CAAP1: variants seen among roughly 807,000 people sequenced by gnomAD.
CAAP1 encodes conserved anti-apoptotic protein.
A neutral mutation model predicts 34.0 loss-of-function variants in CAAP1; 20 were observed. The ratio of observed to expected loss-of-function variants is 0.59; its 90% CI spans 0.41 to 0.86. CAAP1 has a LOEUF of 0.86. Ranked by LOEUF, CAAP1 falls within the 40% of genes least tolerant of loss-of-function variation. CAAP1 has a pLI of 0.00. For synonymous variants in CAAP1, 213 were observed against 166.7 expected (o/e 1.28, Z -2.14); for missense variants, 538 against 450.5 (o/e 1.19, Z -1.76).
At chr9:26,857,676 TTC>T (rs1217746246) in intron 5 of CAAP1, among the ~76,000 whole-genome samples, 1 of 152,170 alleles carries the variant, frequency 6.6e-6, no homozygotes, top group Non-Finnish European at 1.5e-5. Flanking sequence ...ACAGAAGAGT[TTC>T]TGTTTTACTA....
chr9:26,854,410 C>G (rs1205128716), intron 5 of CAAP1, among the ~76,000 whole-genome samples: 1 of 152,170 alleles, frequency 6.6e-6, no homozygotes, highest in Non-Finnish European at 1.5e-5. Flanking sequence ...TTAAAACATT[C>G]TATACTATTT....
chr9:26,874,576 T>A (rs536648800), intron 4 of CAAP1, among the ~76,000 whole-genome samples: 5 of 152,242 alleles, frequency 3.3e-5, no homozygotes, highest in Admixed American at 6.5e-5. Context: ...ATTAATTACC[T>A]CCATGAAATC....
At chr9:26,884,617 T>A (rs1239262325) in intron 4 of CAAP1, among the ~76,000 whole-genome samples, 193 bp downstream of exon 4, 2 of 152,088 alleles carry the variant, frequency 1.3e-5, no homozygotes, top group African/African-American at 4.8e-5. Flanking sequence ...ATCATCTTAA[T>A]CCTGAAAGTA....
chr9:26,874,233 A>AAAT (rs1823365028), intron 4 of CAAP1, among the ~76,000 whole-genome samples: 1 of 141,002 alleles, frequency 7.1e-6, no homozygotes, highest in African/African-American at 2.6e-5. Flanking sequence ...AAAAAAAAAA[A>AAAT]TTTTTTTTAC....
intron 5 of CAAP1, among the ~76,000 whole-genome samples, chr9:26,843,266 T>C (rs1822520850): frequency 6.6e-6 from 1 of 152,196 alleles, no homozygotes; most frequent in South Asian, 2.1e-4. Context: ...TAGTTCACCA[T>C]AATTTTAAAA....
intron 5 of CAAP1, among the ~76,000 whole-genome samples, chr9:26,854,002 CTT>C (rs754993087): frequency 1.6e-3 from 251 of 152,258 alleles, no homozygotes; most frequent in Non-Finnish European, 2.6e-3. Context: ...GTATTAAACT[CTT>C]TTTCTTCAAA....
intron 5 of CAAP1, among the ~76,000 whole-genome samples, chr9:26,852,266 C>G (rs1182853107): frequency 6.6e-6 from 1 of 152,010 alleles, no homozygotes; most frequent in Non-Finnish European, 1.5e-5. Flanking sequence ...CCAGCCTGAC[C>G]AACGTGGTGA....
intron 4 of CAAP1, among the ~76,000 whole-genome samples, chr9:26,865,357 C>G (rs1823109987): frequency 6.6e-6 from 1 of 152,032 alleles, no homozygotes; most frequent in Admixed American, 6.5e-5. Context: ...AACCCCATCT[C>G]TACTAAAAAT....
At chr9:26,873,983 A>T (rs1207469508) in intron 4 of CAAP1, among the ~76,000 whole-genome samples, 1 of 151,976 alleles carries the variant, frequency 6.6e-6, no homozygotes, top group South Asian at 2.1e-4. Context: ...CGAGGCGGGC[A>T]GATCACGAGG....
chr9:26,842,128 A>T lies in CAAP1; in HGVS notation c.*173T>A. 2 of 554,048 alleles carry T rather than the reference A, an allele frequency of 3.6e-6. No homozygotes were observed. Among genetic ancestry groups the T allele is most frequent in the Non-Finnish European group, 3.1e-6 (1 of 319,076 alleles). The allele number at this position is 554,048 out of a possible 1,614,324, so 34.3% of individuals were successfully genotyped here. On this transcript the variant is annotated 3_prime_UTR_variant, in exon 6 of 6. Transcript: ENST00000333916. Reference sequence around the variant, plus strand: ...AGACAGTAACACACATTTATAATATAAAAGTAGTCAAAAAAATAAAAAGAA... The same window carrying T: ...AGACAGTAACACACATTTATAATATTAAAGTAGTCAAAAAAATAAAAAGAA...
chr9:26,871,361 T>C (rs1402818591), intron 4 of CAAP1, among the ~76,000 whole-genome samples: 1 of 152,200 alleles, frequency 6.6e-6, no homozygotes, highest in Non-Finnish European at 1.5e-5. Context: ...GCAGACCACC[T>C]GAGTTCAGGA....
intron 5 of CAAP1, among the ~76,000 whole-genome samples, chr9:26,857,899 T>G (rs116877685): frequency 0.036 from 5,492 of 152,284 alleles, 164 homozygotes; most frequent in South Asian, 0.098. Context: ...AATTTCAACT[T>G]AATTCATAAT....
intron 4 of CAAP1, among the ~76,000 whole-genome samples, chr9:26,869,429 T>C (rs1392974301): frequency 6.6e-6 from 1 of 152,210 alleles, no homozygotes; most frequent in East Asian, 1.9e-4. Flanking sequence ...ATTCATGGAA[T>C]AGAGTTCCAT....
intron 4 of CAAP1, among the ~76,000 whole-genome samples, chr9:26,876,473 T>G (rs4292789): frequency 0.04 from 2,868 of 71,678 alleles, 88 homozygotes; most frequent in African/African-American, 0.16. Context: ...TTCTAGAAGG[T>G]TTTTTTTTTT....
At chr9:26,864,631 T>C (rs905120250) in intron 4 of CAAP1, among the ~76,000 whole-genome samples, 1 of 152,228 alleles carries the variant, frequency 6.6e-6, no homozygotes, top group African/African-American at 2.4e-5. Flanking sequence ...ATTTTGTGAA[T>C]AGGCATTTTC....
At chr9:26,886,228 C>T in intron 2 of CAAP1, 40 bp from the exon 3 acceptor site, 1 of 1,046,872 alleles carries the variant, frequency 9.6e-7, no homozygotes, top group South Asian at 2.3e-5. Context: ...ATTTATGTAA[C>T]ACAGCCCCAA....
At position 26,892,593 on chromosome 9, in the gene CAAP1, G is replaced by A; in HGVS notation, c.123C>T (p.Ser41=). 6.2e-7 allele frequency: 1 copy of A among 1,606,364 alleles called. No homozygotes were observed. The highest frequency in any genetic ancestry group is 8.5e-7 in the Non-Finnish European group (1 of 1,178,012). ...ALASGSSGST[S]GCGSAGGCGS... ...CGCAGCCCCCGGCGCTCCCGCAGCC[G>A]CTAGTGCTTCCACTGCTGCCGCTGG... Residue 41 remains serine, a synonymous_variant, in exon 1 of 6, where the codon AGC becomes AGT. Transcript: ENST00000333916.
At chr9:26,888,338 C>T (rs2131343928) in intron 1 of CAAP1, among the ~76,000 whole-genome samples, 1 of 152,244 alleles carries the variant, frequency 6.6e-6, no homozygotes, top group Middle Eastern at 3.4e-3. Flanking sequence ...CGACTGTAAC[C>T]TATTCTCCTT....
intron 4 of CAAP1, among the ~76,000 whole-genome samples, chr9:26,866,313 G>C (rs1823137819): frequency 6.6e-6 from 1 of 152,178 alleles, no homozygotes; most frequent in Non-Finnish European, 1.5e-5. Context: ...AAATAAATGG[G>C]AAAAGGTACA....
Sources: allele counts gnomAD v4.1 joint callset (sites outside exome capture counted in the v4.1 genomes callset), GRCh38; gene constraint gnomAD v4.1.1; transcripts MANE v1.5; gene names NCBI Gene and HGNC (gene_info 2026-07-23, HGNC 2026-07-21).